The following RIMS2 variants were observed in gnomAD, a reference collection of about 807,000 sequenced individuals.
RIMS2 encodes the protein regulating synaptic membrane exocytosis protein 2.
In RIMS2, 59 loss-of-function variants were observed where a neutral mutation model predicts 174.4. The ratio of observed to expected loss-of-function variants is 0.34; its 90% confidence interval spans 0.27 to 0.42. The LOEUF is 0.42. Among genes scored for constraint, RIMS2 ranks in the 10% least tolerant of loss-of-function variants. The pLI, the probability that RIMS2 is intolerant of heterozygous loss-of-function variation, is 1.00. For missense variants in RIMS2, 1,620 were observed against 1,666.3 expected, an observed-to-expected ratio of 0.97 and a Z score of 0.48; for synonymous variants, 606 against 572.5, an observed-to-expected ratio of 1.06 and a Z score of -0.84.
chr8:103,506,120 C>T (rs950008325), intron 1 of RIMS2, among the ~76,000 whole-genome samples: 3 of 151,842 alleles, frequency 2.0e-5, no homozygotes, highest in Admixed American at 2.0e-4. Flanking sequence ...ACCACTGTTG[C>T]CATTGCCAAA....
At chr8:103,552,580 A>G (rs1470011374) in intron 1 of RIMS2, among the ~76,000 whole-genome samples, 4 of 152,228 alleles carry the variant, frequency 2.6e-5, no homozygotes, top group African/African-American at 9.6e-5. Context: ...AATGGCAACA[A>G]AAGCCAAAAT....
At chr8:103,525,210 AG>A (rs1270478428) in intron 1 of RIMS2, among the ~76,000 whole-genome samples, 3 of 152,230 alleles carry the variant, frequency 2.0e-5, no homozygotes, top group African/African-American at 7.2e-5. Flanking sequence ...ATTAAGTTAC[AG>A]GGGCTGGTAG....
At chr8:103,873,747 T>G (rs2099123123) in intron 3 of RIMS2, among the ~76,000 whole-genome samples, 1 of 152,064 alleles carries the variant, frequency 6.6e-6, no homozygotes, top group Admixed American at 6.6e-5. Context: ...CTGGAAATAT[T>G]TTAAAGAAAC....
chr8:103,746,218 G>A (rs943060017), intron 2 of RIMS2, among the ~76,000 whole-genome samples: 1 of 152,110 alleles, frequency 6.6e-6, no homozygotes, highest in Admixed American at 6.6e-5. Context: ...CCAATTGAAC[G>A]ATCTTGGCTC....
At chr8:103,795,948 C>T (rs2154447312) in intron 3 of RIMS2, among the ~76,000 whole-genome samples, 1 of 152,326 alleles carries the variant, frequency 6.6e-6, no homozygotes, top group Middle Eastern at 3.4e-3. Flanking sequence ...CCGAAAGTAG[C>T]AGCTCCTTTG....
chr8:103,580,822 A>ATACTTTT (rs1406748387), intron 1 of RIMS2, among the ~76,000 whole-genome samples: 3 of 120,460 alleles, frequency 2.5e-5, no homozygotes, highest in Admixed American at 9.8e-5. Flanking sequence ...GAGAAAGGGA[A>ATACTTTT]TACTTTTTTT....
At chr8:104,226,886 A>C (rs2099191038) in intron 19 of RIMS2, among the ~76,000 whole-genome samples, 1 of 152,216 alleles carries the variant, frequency 6.6e-6, no homozygotes, top group South Asian at 2.1e-4. Flanking sequence ...TAATTACTCT[A>C]TATGTTGCTT....
intron 3 of RIMS2, among the ~76,000 whole-genome samples, chr8:103,839,467 G>C (rs772026224): frequency 6.6e-6 from 1 of 151,974 alleles, no homozygotes; most frequent in Non-Finnish European, 1.5e-5. Context: ...TTTGTCATAG[G>C]GCACAGCCCT....
chr8:103,930,678 T>TA (rs2079748431), intron 11 of RIMS2, among the ~76,000 whole-genome samples: 1 of 149,948 alleles, frequency 6.7e-6, no homozygotes, highest in Admixed American at 6.6e-5. Flanking sequence ...GAATGAGACT[T>TA]AATGTCTGAA....
chr8:104,037,887 A>G (rs1187226018), intron 19 of RIMS2, among the ~76,000 whole-genome samples: 2 of 152,138 alleles, frequency 1.3e-5, no homozygotes, highest in Non-Finnish European at 1.5e-5. Flanking sequence ...CAGTGGTTCC[A>G]TAACATTATA....
chr8:103,751,993 G>A (rs1174595337), intron 2 of RIMS2, among the ~76,000 whole-genome samples: 1 of 152,148 alleles, frequency 6.6e-6, no homozygotes, highest in African/African-American at 2.4e-5. Context: ...TGTTGCCATT[G>A]CTTTTGGTGT....
rs985959037 is a variant in RIMS2 at position 104,166,227 on chromosome 8, C to T, written c.3335-78689C>T. On this transcript the variant is annotated intron_variant, in intron 19 of 23. Transcript: ENST00000504942. ...GACTACAGGCGCCCGCCACCACGCC[C>T]GGCTAATTTTTTGTATTTTTAGTAG... Among the ~76,000 whole-genome samples, 29 of 151,752 alleles carry T rather than the reference C, an allele frequency of 1.9e-4. 1 individual carries two copies. In the East Asian group the frequency reaches 4.9e-3, roughly 25 times the overall value.
intron 3 of RIMS2, among the ~76,000 whole-genome samples, chr8:103,778,483 T>C (rs2098343724): frequency 6.6e-6 from 1 of 152,118 alleles, no homozygotes; most frequent in African/African-American, 2.4e-5. Context: ...ACTTTTGTAG[T>C]TCCTACATGA....
intron 1 of RIMS2, among the ~76,000 whole-genome samples, chr8:103,513,150 G>A (rs940640782): frequency 2.0e-5 from 3 of 152,100 alleles, no homozygotes; most frequent in Admixed American, 2.0e-4. Flanking sequence ...GCCTGCAGTC[G>A]GCAAGTGCTC....
At chr8:103,702,852 G>GTTTT (rs59947900) in intron 2 of RIMS2, among the ~76,000 whole-genome samples, 4 of 117,246 alleles carry the variant, frequency 3.4e-5, no homozygotes, top group Non-Finnish European at 3.5e-5. Context: ...TCCTCCAGCT[G>GTTTT]TTTTTTTTTT....
chr8:103,820,490 T>G (rs1261477731), intron 3 of RIMS2, among the ~76,000 whole-genome samples: 1 of 151,966 alleles, frequency 6.6e-6, no homozygotes, highest in Non-Finnish European at 1.5e-5. Flanking sequence ...CATAAAATAT[T>G]GAGTGGTTTT....
chr8:103,900,917 G>T (rs923837366), intron 4 of RIMS2, among the ~76,000 whole-genome samples: 4 of 151,996 alleles, frequency 2.6e-5, no homozygotes, highest in African/African-American at 9.7e-5. Context: ...CATAATTTTT[G>T]TTTTGATTAT....
intron 19 of RIMS2, among the ~76,000 whole-genome samples, chr8:104,228,848 G>A (rs939791995): frequency 1.2e-4 from 18 of 152,122 alleles, no homozygotes; most frequent in Non-Finnish European, 2.1e-4. Flanking sequence ...TTCAAAAATA[G>A]CACAATATTT....
chr8:103,749,080 T>C (rs1033032004), intron 2 of RIMS2, among the ~76,000 whole-genome samples: 10 of 151,978 alleles, frequency 6.6e-5, no homozygotes, highest in Admixed American at 4.6e-4. Context: ...ATTACAGGCA[T>C]TAGCCACCGT....
Sources: allele counts gnomAD v4.1 joint callset (sites outside exome capture counted in the v4.1 genomes callset), GRCh38; gene constraint gnomAD v4.1.1; transcripts MANE v1.5; gene names NCBI Gene and HGNC (gene_info 2026-07-23, HGNC 2026-07-21).